Variants in EVPL observed in about 807,000 individuals in gnomAD.
The protein encoded by EVPL is 210 kDa cornified envelope precursor protein.
In EVPL, 94 loss-of-function variants were observed where a neutral mutation model predicts 129.7. The ratio of observed to expected loss-of-function variants is 0.72; its 90% confidence interval spans 0.61 to 0.86. The LOEUF (loss-of-function observed/expected upper bound fraction) is 0.86, where lower values mean the gene tolerates loss of function less well. Among genes scored for constraint, EVPL ranks in the 40% least tolerant of loss-of-function variants. The pLI is 0.00. For synonymous variants in EVPL, 1,172 were observed against 1,191.1 expected, an observed-to-expected ratio of 0.98 and a Z score of 0.33; for missense variants, 2,625 against 2,721.1, an observed-to-expected ratio of 0.96 and a Z score of 0.79.
chr17:76,018,050 A>G, intron 13 of EVPL, 111 bp downstream of exon 13: 1 of 1,529,660 alleles, frequency 6.5e-7, no homozygotes, highest in Non-Finnish European at 8.8e-7. Flanking sequence ...TGAAATCCCC[A>G]GAGTGATGGT....
rs555270916 is a variant in EVPL at position 76,009,205 on chromosome 17, G to A, written c.4000C>T (p.Arg1334Cys). The A allele has an allele frequency of 4.2e-5, 68 of 1,609,510 alleles. No individual in the cohort carries two copies. The highest frequency in any genetic ancestry group is 1.5e-4 in the Admixed American group (9 of 60,010). Residue 1334 changes from arginine to cysteine, a missense_variant, in exon 22 of 22, where the codon CGC becomes TGC. Physicochemically the swap from Arg to Cys is radical, Grantham distance 180. This residue lies in a region of EVPL where 1,453 missense variants were observed against 1,511.8 expected (regional missense o/e 0.96). Coordinates refer to ENST00000301607, the MANE Select transcript of EVPL (RefSeq NM_001988.4). The surrounding 1 kb of genome is among the most constrained non-coding windows in gnomAD (Gnocchi z 5.9). Reference protein sequence around the residue: ...PVLEKEAERLRQEVREAAQKR... With the variant: ...PVLEKEAERLCQEVREAAQKR... ...TGGGCCGCCTCCCGCACCTCCTGGCGGAGCCGCTCTGCTTCTTTCTCCAGC... is the reference window on the plus strand; with the variant it reads ...TGGGCCGCCTCCCGCACCTCCTGGCAGAGCCGCTCTGCTTCTTTCTCCAGC...
chr17:76,019,550 G>C lies in EVPL; in HGVS notation c.1115C>G (p.Thr372Arg), dbSNP rs1449938429. Reference sequence around the variant, plus strand: ...CACCTCCAGCTGTTGCAGCAGCTCTGTGGGGGCGCCAGGGGGGCCCCCAGG... The same window carrying C: ...CACCTCCAGCTGTTGCAGCAGCTCTCTGGGGGCGCCAGGGGGGCCCCCAGG... ...PAPGGPPGAP[T>R]ELLQQLEAEE... Residue 372 changes from threonine to arginine, a missense_variant, in exon 10 of 22, where the codon ACA becomes AGA. Around this residue, in one of 4 missense-constraint regions of EVPL, gnomAD observed 1,024 missense variants for 997.5 expected, o/e 1.03. Coordinates refer to ENST00000301607, the MANE Select transcript of EVPL (RefSeq NM_001988.4). 1.3e-6 allele frequency: 2 copies of C among 1,570,698 alleles called. No homozygotes were observed. The highest frequency in any genetic ancestry group is 4.0e-5 in the Admixed American group (2 of 50,310).
rs1385894621 is a variant in EVPL at position 76,009,297 on chromosome 17, C to G, written c.3908G>C (p.Arg1303Pro). Residue 1303 changes from arginine to proline, a missense_variant, in exon 22 of 22, where the codon CGC becomes CCC. Transcript: ENST00000301607. The surrounding 1 kb of genome is among the most constrained non-coding windows in gnomAD (Gnocchi z 5.9). ...RLQGERDEWR[R>P]ERAKVETKTV... ...CTTGGTCTCCACCTTGGCCCGCTCGCGCCTCCACTCGTCGCGCTCACCCTG... is the reference window on the plus strand; with the variant it reads ...CTTGGTCTCCACCTTGGCCCGCTCGGGCCTCCACTCGTCGCGCTCACCCTG... 6.2e-7 allele frequency: 1 copy of G among 1,608,824 alleles called. No homozygotes were observed. The highest frequency in any genetic ancestry group is 1.7e-5 in the Admixed American group (1 of 60,010).
chr17:76,025,728 C>T (rs1158008634), intron 1 of EVPL, among the ~76,000 whole-genome samples: 2 of 152,224 alleles, frequency 1.3e-5, no homozygotes, highest in Non-Finnish European at 2.9e-5. Flanking sequence ...TAATGGGCAC[C>T]CCCACTCCCA....
At chr17:76,019,481 C>T in intron 10 of EVPL, 47 bp downstream of exon 10, 1 of 1,520,300 alleles carries the variant, frequency 6.6e-7, no homozygotes, top group Non-Finnish European at 8.8e-7. Context: ...ATGGACAGGA[C>T]CAATTCCCAG....
At position 76,009,728 on chromosome 17, in the gene EVPL, G is replaced by C. The variant is rs776196580; in HGVS notation, c.3477C>G (p.Leu1159=). 1 of 1,613,398 alleles carries C rather than the reference G, an allele frequency of 6.2e-7. No individual in the cohort carries two copies. The highest frequency in any genetic ancestry group is 1.3e-5 in the African/African-American group (1 of 74,876). Reference sequence around the variant, plus strand: ...TCGCGTTCTTGGTCCTCTCCTCCTCGAGGAGGCTCCTCAGCCTGGAGGACT... The same window carrying C: ...TCGCGTTCTTGGTCCTCTCCTCCTCCAGGAGGCTCCTCAGCCTGGAGGACT... The part of the protein sequence containing the change: ...LQESSRLRSL[L]EEERTKNATL... Residue 1159 remains leucine, a synonymous_variant, in exon 22 of 22, where the codon CTC becomes CTG. Transcript: ENST00000301607. The surrounding 1 kb of genome is among the most constrained non-coding windows in gnomAD (Gnocchi z 5.9).
At chr17:76,026,249 T>C (rs1467943352) in intron 1 of EVPL, among the ~76,000 whole-genome samples, 1 of 149,616 alleles carries the variant, frequency 6.7e-6, no homozygotes, top group Non-Finnish European at 1.5e-5. Context: ...AGGATTTTTT[T>C]TTTTTTTTTT....
At position 76,018,195 on chromosome 17, in the gene EVPL, G is replaced by A; in HGVS notation, c.1503C>T (p.Ala501=). The change falls in exon 13 of 22, where the codon GCC becomes GCT. Residue 501 remains alanine, a synonymous_variant. Coordinates refer to ENST00000301607, the MANE Select transcript of EVPL (RefSeq NM_001988.4). ...KLATVQSRLK[A]SAVESLRPSQ... ...TGGGCCGAAGAGACTCCACAGCACT[G>A]GCCTTCAGGCGGCTCTGGACTGTGG... 6.4e-7 allele frequency: 1 copy of A among 1,551,094 alleles called. No individual in the cohort carries two copies. The highest frequency in any genetic ancestry group is 1.7e-4 in the Middle Eastern group (1 of 5,986).
At position 76,015,730 on chromosome 17, in the gene EVPL, TG is replaced by T. The variant is rs1177785188; in HGVS notation, c.1711-103del. Reference sequence around the variant, plus strand: ...CGCCCATGGAGGCAGTAGAGTGTGGTGGGTACATGCTTGGGCTCAGGCCAGA... The same window carrying T: ...CGCCCATGGAGGCAGTAGAGTGTGGTGGTACATGCTTGGGCTCAGGCCAGA... On this transcript the variant is annotated intron_variant, in intron 14 of 21. Coordinates refer to ENST00000301607, the MANE Select transcript of EVPL (RefSeq NM_001988.4). The T allele has an allele frequency of 2.5e-5, 31 of 1,247,848 alleles. No individual in the cohort carries two copies. In the African/African-American group the frequency reaches 3.7e-4, roughly 15 times the overall value. 77.3% of individuals were successfully genotyped at this position (1,247,848 alleles called of 1,614,324 possible).
At chr17:76,012,869 C>G (rs369123289) in intron 18 of EVPL, among the ~76,000 whole-genome samples, 1 of 151,400 alleles carries the variant, frequency 6.6e-6, no homozygotes, top group Non-Finnish European at 1.5e-5. Flanking sequence ...CTCAGCCTCT[C>G]GAGTAGCCGG....
chr17:76,015,331 G>A lies in EVPL; in HGVS notation c.1924C>T (p.Gln642Ter). ...CCTCGGATGACCCTGTCCGCATCCT[G>A]GATCTGCCGCTCCAGATCCAGGGCA... ...KAALDLERQI[Q>*]DADRVIRGFE... The change falls in exon 16 of 22, where the codon CAG becomes TAG. Residue 642 changes from glutamine to a stop codon, truncating the protein, a stop_gained. Coordinates refer to ENST00000301607, the MANE Select transcript of EVPL (RefSeq NM_001988.4). LOFTEE classifies it high-confidence loss of function. 1 of 1,603,996 alleles carries A rather than the reference G, an allele frequency of 6.2e-7. No individual in the cohort carries two copies. The highest frequency in any genetic ancestry group is 1.1e-5 in the South Asian group (1 of 90,790).
At chr17:76,025,543 C>T (rs2066492684) in intron 1 of EVPL, among the ~76,000 whole-genome samples, 1 of 152,026 alleles carries the variant, frequency 6.6e-6, no homozygotes, top group Non-Finnish European at 1.5e-5. Flanking sequence ...GGTCCCGCCT[C>T]CTGGGATGGC....
intron 14 of EVPL, among the ~76,000 whole-genome samples, chr17:76,016,685 G>C (rs1410676879): frequency 1.3e-5 from 2 of 152,082 alleles, no homozygotes; most frequent in Non-Finnish European, 2.9e-5. Flanking sequence ...AGGCCAATGC[G>C]GGAGGATCGC....
At chr17:76,015,673 C>T in intron 14 of EVPL, 45 bp from the exon 15 acceptor site, 32 of 1,568,968 alleles carry the variant, frequency 2.0e-5, no homozygotes, top group Non-Finnish European at 2.8e-5. Context: ...GTGGGTTCCG[C>T]CCGACTCTTC....
chr17:76,020,482 G>A lies in EVPL; in HGVS notation c.1012-829C>T, dbSNP rs570415369. On this transcript the variant is annotated intron_variant, in intron 9 of 21. Transcript: ENST00000301607. ...CCCGGAGAAGAAGCTGTGCTTTAAA[G>A]AAGCATTCCAGGTGCTTTGACGGAA... Among the ~76,000 whole-genome samples the A allele has an allele frequency of 1.2e-3, 187 of 152,320 alleles. 1 individual carries two copies. The Middle Eastern group carries it at 0.014, about 11-fold the overall frequency.
chr17:76,008,871 C>T lies in EVPL; in HGVS notation c.4334G>A (p.Arg1445Lys). The change falls in exon 22 of 22, where the codon AGG becomes AAG. Residue 1445 changes from arginine (R) to lysine (K), a missense_variant. Around this residue, in one of 4 missense-constraint regions of EVPL, gnomAD observed 1,453 missense variants for 1,511.8 expected, o/e 0.96. Coordinates refer to ENST00000301607, the MANE Select transcript of EVPL (RefSeq NM_001988.4). The surrounding 1 kb of genome is among the most constrained non-coding windows in gnomAD (Gnocchi z 7.4). ...AGGCCGCTTCTCGAGCTCCTGGATCCTCAAGGTCAGCTGCCGCAGCTCCCT... is the reference window on the plus strand; with the variant it reads ...AGGCCGCTTCTCGAGCTCCTGGATCTTCAAGGTCAGCTGCCGCAGCTCCCT... ...VERELRQLTL[R>K]IQELEKRPPT... The T allele has an allele frequency of 6.2e-7, 1 of 1,613,868 alleles. No individual in the cohort carries two copies. The highest frequency in any genetic ancestry group is 8.5e-7 in the Non-Finnish European group (1 of 1,179,976).
At chr17:76,018,700 G>A (rs1045201751) in intron 11 of EVPL, 100 bp from the exon 12 acceptor site, 2 of 1,350,322 alleles carry the variant, frequency 1.5e-6, no homozygotes, top group African/African-American at 1.5e-5. Flanking sequence ...GGGGACAGCA[G>A]CTGGAACAGG....
chr17:76,007,874 C>G lies in EVPL; in HGVS notation c.5331G>C (p.Ala1777=), dbSNP rs551667540. The change falls in exon 22 of 22, where the codon GCG becomes GCC. Residue 1777 remains alanine (A), a synonymous_variant. Transcript: ENST00000301607. This position sits in a 1 kb window ranked among gnomAD's most constrained non-coding sequence, Gnocchi z 8.8. ...KDGHLPISEF[A]LLVAGETKPS... ...GCTTGGTCTCCCCAGCTACAAGCAG[C>G]GCAAACTCGGAGATGGGCAGGTGGC... The G allele has an allele frequency of 4.3e-6, 7 of 1,613,718 alleles. No individual in the cohort carries two copies. In the East Asian group the frequency reaches 1.3e-4, roughly 31 times the overall value.
At chr17:76,023,939 C>T (rs2144441219) in intron 2 of EVPL, 82 bp downstream of exon 2, 1 of 1,519,444 alleles carries the variant, frequency 6.6e-7, no homozygotes, top group South Asian at 1.2e-5. Flanking sequence ...CCAAGGGGCA[C>T]TCAGGGAGTG....
Sources: allele counts gnomAD v4.1 joint callset (sites outside exome capture counted in the v4.1 genomes callset), GRCh38; gene constraint gnomAD v4.1.1; regional missense constraint gnomAD v4.1.1; non-coding constraint Gnocchi (gnomAD v3.1); transcripts MANE v1.5; gene names NCBI Gene and HGNC (gene_info 2026-07-23, HGNC 2026-07-21).